The following EYS variants were observed in gnomAD, a reference collection of about 807,000 sequenced individuals.
EYS encodes EGF-like photoreceptor maintenance factor.
Under a neutral mutation model 282.1 loss-of-function variants are expected in EYS, and 250 were observed. The observed-to-expected ratio is 0.89, with a 90% confidence interval of 0.80 to 0.98. The LOEUF (loss-of-function observed/expected upper bound fraction) is 0.98. Among genes scored for constraint, EYS ranks in the 50% least tolerant of loss-of-function variants. The probability of loss-of-function intolerance (pLI) is 0.00; values close to 1 mark genes in which losing one functional copy is unlikely to be tolerated. For missense variants in EYS, 4,016 were observed against 3,709.0 expected (o/e 1.08, Z -2.15); for synonymous variants, 1,355 against 1,282.9 (o/e 1.06, Z -1.20).
chr6:65,028,730 TA>T (rs1772504809), intron 13 of EYS, among the ~76,000 whole-genome samples: 1 of 152,204 alleles, frequency 6.6e-6, no homozygotes, highest in Admixed American at 6.5e-5. Context: ...CTTATTCCAG[TA>T]AAAAATTTAT....
chr6:65,358,132 G>C (rs1017272701), intron 8 of EYS, among the ~76,000 whole-genome samples: 1 of 151,860 alleles, frequency 6.6e-6, no homozygotes, highest in African/African-American at 2.4e-5. Flanking sequence ...ACATGGAAGT[G>C]TTCACTTAGT....
chr6:64,495,204 G>A (rs1290695082), intron 26 of EYS, among the ~76,000 whole-genome samples: 1 of 151,698 alleles, frequency 6.6e-6, no homozygotes, highest in Non-Finnish European at 1.5e-5. Flanking sequence ...ATGTTGGTGG[G>A]AATGTAATAT....
At chr6:64,376,610 A>C (rs1582670583) in intron 29 of EYS, among the ~76,000 whole-genome samples, 1 of 152,250 alleles carries the variant, frequency 6.6e-6, no homozygotes, top group East Asian at 1.9e-4. Flanking sequence ...TCTCTAGGAT[A>C]ATCGCATTCC....
intron 2 of EYS, among the ~76,000 whole-genome samples, chr6:65,616,988 C>A (rs1000036366): frequency 1.3e-5 from 2 of 152,088 alleles, no homozygotes; most frequent in South Asian, 4.2e-4. Context: ...AACATTAAAA[C>A]AAATAAAAAT....
intron 2 of EYS, among the ~76,000 whole-genome samples, chr6:65,590,570 A>G (rs1474952637): frequency 6.6e-6 from 1 of 152,016 alleles, no homozygotes; most frequent in Non-Finnish European, 1.5e-5. Flanking sequence ...CAGAACACTA[A>G]ACATTATTCT....
intron 13 of EYS, among the ~76,000 whole-genome samples, chr6:65,034,278 T>A (rs776681563): frequency 1.1e-4 from 17 of 152,172 alleles, no homozygotes; most frequent in African/African-American, 7.2e-5. Flanking sequence ...GTACTTTGAG[T>A]TAATGAAATG....
chr6:64,291,883 T>G (rs1392911877), intron 30 of EYS, among the ~76,000 whole-genome samples: 1 of 152,134 alleles, frequency 6.6e-6, no homozygotes, highest in East Asian at 1.9e-4. Context: ...TTGTCAAATA[T>G]ATATGAAGAT....
intron 33 of EYS, among the ~76,000 whole-genome samples, chr6:64,023,234 C>T (rs1217159777): frequency 5.3e-5 from 8 of 152,170 alleles, no homozygotes; most frequent in Admixed American, 5.2e-4. Flanking sequence ...ATGCATATAG[C>T]TTATTTTAAA....
intron 12 of EYS, among the ~76,000 whole-genome samples, chr6:65,215,307 A>G (rs528038595): frequency 6.6e-6 from 1 of 152,228 alleles, no homozygotes; most frequent in South Asian, 2.1e-4. Flanking sequence ...AAAGAGGTTA[A>G]TTTCAATCAT....
chr6:64,138,256 C>A (rs1049743236), intron 31 of EYS, among the ~76,000 whole-genome samples: 5 of 152,024 alleles, frequency 3.3e-5, no homozygotes, highest in African/African-American at 4.8e-5. Flanking sequence ...AGAGGAATGG[C>A]TAAATGGGAA....
chr6:64,143,870 T>C (rs545950123), intron 31 of EYS, among the ~76,000 whole-genome samples: 4 of 152,374 alleles, frequency 2.6e-5, no homozygotes, highest in Non-Finnish European at 4.4e-5. Flanking sequence ...AGGATATTTA[T>C]GATGAAGATT....
At chr6:65,573,554 A>C (rs1008498762) in intron 2 of EYS, among the ~76,000 whole-genome samples, 1 of 152,172 alleles carries the variant, frequency 6.6e-6, no homozygotes, top group East Asian at 1.9e-4. Flanking sequence ...AGATACATGC[A>C]TATGTTCACG....
chr6:65,480,894 A>T (rs1562210668), intron 5 of EYS, among the ~76,000 whole-genome samples: 1 of 152,168 alleles, frequency 6.6e-6, no homozygotes, highest in African/African-American at 2.4e-5. Flanking sequence ...CTCATATGGG[A>T]GAACTAAATA....
At position 65,225,917 on chromosome 6, in the gene EYS, C is replaced by G. The variant is rs573098079; in HGVS notation, c.2023+69946G>C. Among the ~76,000 whole-genome samples the G allele has an allele frequency of 7.4e-4, 113 of 151,886 alleles. 1 individual carries two copies. Among genetic ancestry groups the G allele is most frequent in the African/African-American group, 2.7e-3 (110 of 41,456 alleles). ...ACATGATAAAGAGCATTTGTGAAAACCCACAAATATATTATATTCAATAAC... is the reference window on the plus strand; with the variant it reads ...ACATGATAAAGAGCATTTGTGAAAAGCCACAAATATATTATATTCAATAAC... On this transcript the variant is annotated intron_variant, in intron 12 of 42. Transcript: ENST00000503581.
At chr6:65,255,726 A>T in intron 12 of EYS, among the ~76,000 whole-genome samples, 1 of 152,094 alleles carries the variant, frequency 6.6e-6, no homozygotes. Flanking sequence ...AAAACAAGAC[A>T]TATAAATGGC....
At chr6:63,786,233 A>C (rs1256554989) in intron 39 of EYS, 1 of 151,662 alleles carries the variant, frequency 6.6e-6, no homozygotes, top group Non-Finnish European at 1.5e-5. Flanking sequence ...AGGTAAAGTA[A>C]AATAAAAATA....
At chr6:63,851,033 T>C (rs1239112012) in intron 36 of EYS, among the ~76,000 whole-genome samples, 1 of 152,188 alleles carries the variant, frequency 6.6e-6, no homozygotes, top group Non-Finnish European at 1.5e-5. Flanking sequence ...TCCTAGTCTC[T>C]GATAAAACAG....
intron 16 of EYS, among the ~76,000 whole-genome samples, chr6:64,908,302 C>T (rs536036274): frequency 2.0e-5 from 3 of 152,094 alleles, no homozygotes; most frequent in Non-Finnish European, 4.4e-5. Context: ...AGGTGTGTTG[C>T]CTTGGCGGGA....
chr6:63,827,821 G>A (rs1266000116), intron 36 of EYS, among the ~76,000 whole-genome samples: 3 of 142,546 alleles, frequency 2.1e-5, no homozygotes, highest in Admixed American at 7.4e-5. Context: ...TCCACAGTCC[G>A]GCCTGGGCGA....
Sources: allele counts gnomAD v4.1 joint callset (sites outside exome capture counted in the v4.1 genomes callset), GRCh38; gene constraint gnomAD v4.1.1; transcripts MANE v1.5; gene names NCBI Gene and HGNC (gene_info 2026-07-23, HGNC 2026-07-21).